PIR: variants seen among roughly 807,000 people sequenced by gnomAD.
The protein encoded by PIR is pirin (iron-binding nuclear protein).
In PIR, 22 loss-of-function variants were observed where a neutral mutation model predicts 24.2. The observed-to-expected ratio is 0.91, with a 90% CI of 0.65 to 1.30. PIR has a LOEUF of 1.30. PIR is among the 50% of genes most tolerant of loss of function. PIR has a pLI of 0.00. For missense variants in PIR, 220 were observed against 220.3 expected (o/e 1.00, Z 0.01); for synonymous variants, 80 against 79.6 (o/e 1.00, Z -0.03).
chrX:15,450,703 A>G (rs1248538849), intron 5 of PIR, among the ~76,000 whole-genome samples: 1 of 111,831 alleles, frequency 8.9e-6, no homozygotes, highest in Non-Finnish European at 1.9e-5. Flanking sequence ...TTTTAAGTTT[A>G]CCTTCCAGTA....
chrX:15,450,806 AGAAG>A (rs766282663), intron 5 of PIR, among the ~76,000 whole-genome samples: 1 of 112,425 alleles, frequency 8.9e-6, no homozygotes, highest in African/African-American at 3.2e-5. Flanking sequence ...AAGTTAAGGT[AGAAG>A]GAATACTGAC....
chrX:15,399,621 T>C (rs1272169725), intron 7 of PIR, among the ~76,000 whole-genome samples: 1 of 112,249 alleles, frequency 8.9e-6, no homozygotes, highest in East Asian at 2.8e-4. Flanking sequence ...CACAGTAGTA[T>C]TAGCTGGGCT....
intron 3 of PIR, among the ~76,000 whole-genome samples, chrX:15,474,323 C>A (rs1034087154): frequency 8.9e-6 from 1 of 112,003 alleles, no homozygotes; most frequent in Non-Finnish European, 1.9e-5. Context: ...TAGCCAAGAC[C>A]CAGCTATTGT....
chrX:15,456,049 C>T lies in PIR; in HGVS notation c.279G>A (p.Met93Ile). 1 of 1,207,653 alleles carries T rather than the reference C, an allele frequency of 8.3e-7. No homozygotes were observed. The highest frequency in any genetic ancestry group is 1.1e-6 in the Non-Finnish European group (1 of 892,464). The change falls in exon 5 of 10, where the codon ATG (methionine) becomes ATA (isoleucine). Residue 93 changes from methionine to isoleucine, a missense_variant. Transcript: ENST00000380420. ...CGTGCAGAATGCCCCGGCCCGCAGT[C>T]ATCCACTGCAAACACAAAACCAACA... is the stretch of plus-strand genomic sequence containing the variant. The part of the protein sequence containing the change: ...GKMNPGDLQW[M>I]TAGRGILHAE...
At chrX:15,390,466 CA>C (rs1923923656) in intron 8 of PIR, among the ~76,000 whole-genome samples, 1 of 111,191 alleles carries the variant, frequency 9.0e-6, no homozygotes, top group Non-Finnish European at 1.9e-5. Context: ...TCCAAGCCAC[CA>C]AAATATTAAC....
chrX:15,464,884 C>T (rs191778798), intron 3 of PIR, among the ~76,000 whole-genome samples: 1 of 112,173 alleles, frequency 8.9e-6, no homozygotes, highest in African/African-American at 3.2e-5. Context: ...TATTCTTTTC[C>T]ATCCCCAAAT....
At chrX:15,396,960 T>C (rs1924175929) in intron 8 of PIR, among the ~76,000 whole-genome samples, 1 of 111,696 alleles carries the variant, frequency 9.0e-6, no homozygotes. Context: ...CAGGATGGTC[T>C]CGATTTCCTG....
At chrX:15,387,203 C>T (rs903331368) in intron 9 of PIR, among the ~76,000 whole-genome samples, 1 of 102,415 alleles carries the variant, frequency 9.8e-6, no homozygotes, top group Middle Eastern at 4.6e-3. Context: ...TCAAGTAATT[C>T]TCACACCTCA....
intron 2 of PIR, among the ~76,000 whole-genome samples, chrX:15,486,486 T>C (rs1922838351): frequency 9.1e-6 from 1 of 110,322 alleles, no homozygotes; most frequent in African/African-American, 3.3e-5. Context: ...CTTACAATAA[T>C]TCTGTGTACA....
intron 6 of PIR, among the ~76,000 whole-genome samples, chrX:15,424,726 T>C (rs1051868962): frequency 2.0e-4 from 22 of 112,347 alleles, no homozygotes; most frequent in Non-Finnish European, 3.8e-4. Context: ...CCAGACACAA[T>C]GGCTCATGCC....
At chrX:15,437,091 G>T (rs964220255) in intron 5 of PIR, among the ~76,000 whole-genome samples, 1 of 112,379 alleles carries the variant, frequency 8.9e-6, no homozygotes, top group Admixed American at 9.4e-5. Flanking sequence ...TGAATGGTGT[G>T]ATAAGGCAGG....
intron 6 of PIR, among the ~76,000 whole-genome samples, chrX:15,424,468 T>A (rs1925238669): frequency 9.0e-6 from 1 of 111,706 alleles, no homozygotes; most frequent in African/African-American, 3.3e-5. Flanking sequence ...ATAGAAGAAA[T>A]AAGATCTGGT....
In PIR at chrX:15,446,443, C is replaced by G. The variant is rs773164247; in HGVS notation, c.480+9405G>C. Among the ~76,000 whole-genome samples, 7 of 110,786 alleles carry G rather than the reference C, an allele frequency of 6.3e-5. No homozygotes were observed. The South Asian group carries it at 2.7e-3, about 43-fold the overall frequency. On this transcript the variant is annotated intron_variant, in intron 5 of 9. Coordinates refer to ENST00000380420, the MANE Select transcript of PIR (RefSeq NM_001018109.3). ...TGTCTTGGGCCACACATAAAATACA[C>G]TAACATTAATGATAGCTGATGAGCT...
rs753906086 is a variant in PIR, at chrX:15,447,446, C to A, written c.480+8402G>T. On this transcript the variant is annotated intron_variant, in intron 5 of 9. Transcript: ENST00000380420. ...TCTCCTGCCTCAGCCTCCTGAGTAG[C>A]TGGGACTACAGGCACCCACCACCAC... Among the ~76,000 whole-genome samples, 466 of 111,124 alleles carry A rather than the reference C, an allele frequency of 4.2e-3. 2 individuals carry two copies. Among genetic ancestry groups the A allele is most frequent in the African/African-American group, 0.015 (451 of 30,541 alleles).
intron 5 of PIR, among the ~76,000 whole-genome samples, chrX:15,451,102 A>G (rs903655754): frequency 8.9e-6 from 1 of 111,862 alleles, no homozygotes; most frequent in Admixed American, 9.5e-5. Context: ...TTGCTCGTTG[A>G]CTAGGAAAGA....
At chrX:15,425,803 A>C (rs1318927448) in intron 6 of PIR, 103 bp downstream of exon 6, 1 of 510,656 alleles carries the variant, frequency 2.0e-6, no homozygotes, top group East Asian at 3.3e-5. Context: ...CTTTGTGCTG[A>C]GTTTCAGAAA....
intron 1 of PIR, among the ~76,000 whole-genome samples, chrX:15,492,630 G>T (rs1208750105): frequency 8.9e-6 from 1 of 111,954 alleles, no homozygotes; most frequent in Non-Finnish European, 1.9e-5. Context: ...CCACATATCA[G>T]CTGTGTGACC....
At chrX:15,416,348 G>C (rs1429558241) in intron 6 of PIR, among the ~76,000 whole-genome samples, 1 of 111,979 alleles carries the variant, frequency 8.9e-6, no homozygotes, top group Non-Finnish European at 1.9e-5. Flanking sequence ...AATCATTCAT[G>C]TTTGGGGCAT....
intron 6 of PIR, among the ~76,000 whole-genome samples, chrX:15,418,509 A>T (rs1039664025): frequency 5.4e-5 from 6 of 111,825 alleles, no homozygotes; most frequent in Non-Finnish European, 9.4e-5. Flanking sequence ...CGTGTGGCCA[A>T]TGTGAAAGGA....
Sources: allele counts gnomAD v4.1 joint callset (sites outside exome capture counted in the v4.1 genomes callset), GRCh38; gene constraint gnomAD v4.1.1; transcripts MANE v1.5; gene names NCBI Gene and HGNC (gene_info 2026-07-23, HGNC 2026-07-21).